Variants in XDH observed in about 807,000 individuals in gnomAD.
XDH encodes the protein xanthine dehydrogenase/oxidase.
XDH carries 138 observed loss-of-function variants against 156.1 expected under a neutral mutation model. The ratio of observed to expected loss-of-function variants is 0.88; its 90% CI spans 0.77 to 1.02. The LOEUF is 1.02. Ranked by LOEUF, XDH falls within the 50% of genes least tolerant of loss-of-function variation. The probability of loss-of-function intolerance (pLI) is 0.00; values close to 1 mark genes in which losing one functional copy is unlikely to be tolerated. For missense variants in XDH, 1,849 were observed against 1,684.9 expected (o/e 1.10, Z -1.71); for synonymous variants, 669 against 625.7 (o/e 1.07, Z -1.03).
In XDH at chr2:31,342,197, T is replaced by G; in HGVS notation, c.3505A>C (p.Thr1169Pro). Residue 1169 changes from threonine (T) to proline (P), a missense_variant, in exon 32 of 36, where the codon ACA (threonine) becomes CCA (proline). Physicochemically the swap from Thr to Pro is conservative, Grantham distance 38 (BLOSUM62 -1). Coordinates refer to ENST00000379416, the MANE Select transcript of XDH (RefSeq NM_000379.4). ...AAACTTCTTACCTTATGATCTCCTG[T>G]TAGGCAGTCGATTTCTACTTCAGAG... The part of the protein sequence containing the change: ...ACSEVEIDCL[T>P]GDHKNLRTDI... The G allele has an allele frequency of 6.2e-7, 1 of 1,614,122 alleles. No homozygotes were observed. The highest frequency in any genetic ancestry group is 8.5e-7 in the Non-Finnish European group (1 of 1,179,972).
chr2:31,387,952 A>G, intron 7 of XDH, 55 bp from the exon 8 acceptor site: 1 of 1,524,872 alleles, frequency 6.6e-7, no homozygotes. Context: ...TCAAACACCC[A>G]AGAGGACCAA....
intron 30 of XDH, 39 bp from the exon 31 acceptor site, chr2:31,344,775 G>A: frequency 6.2e-7 from 1 of 1,604,452 alleles, no homozygotes; most frequent in South Asian, 1.1e-5. Context: ...GTGAAGTGAG[G>A]TTTTCAGGAA....
chr2:31,385,910 A>G (rs1686576674), intron 9 of XDH, among the ~76,000 whole-genome samples: 1 of 152,198 alleles, frequency 6.6e-6, no homozygotes, highest in Non-Finnish European at 1.5e-5. Flanking sequence ...TCTAGTGTCC[A>G]TCAGCCACTG....
intron 11 of XDH, among the ~76,000 whole-genome samples, chr2:31,382,643 T>G (rs530153997): frequency 1.6e-4 from 24 of 152,156 alleles, no homozygotes; most frequent in Admixed American, 3.3e-4. Context: ...CATATCCATA[T>G]CTCTTGTTCA....
Position 31,403,081 on chromosome 2 carries a change from AG to A in XDH, c.163del (p.Leu55SerfsTer31), listed in dbSNP as rs765487583. On this transcript the variant is annotated frameshift_variant, in exon 3 of 36. Coordinates refer to ENST00000379416, the MANE Select transcript of XDH (RefSeq NM_000379.4). LOFTEE classifies it high-confidence loss of function. Reference protein sequence around the residue: ...EGGCGACTVMLSKYDRLQNKI... With the variant: ...EGGCGACTVMXSKYDRLQNKI... ...GTTCTGCAGACGATCATACTTGGAG[AG>A]CATCACTGTGCAAGCCCCGCAGCCC... The A allele has an allele frequency of 1.2e-6, 2 of 1,614,064 alleles. No homozygotes were observed. The highest frequency in any genetic ancestry group is 1.7e-6 in the Non-Finnish European group (2 of 1,179,994).
rs776794071 is a variant in XDH at position 31,350,118 on chromosome 2, G to A, written c.2737C>T (p.Arg913Trp). The A allele has an allele frequency of 1.2e-4, 190 of 1,614,076 alleles. No individual in the cohort carries two copies. Among genetic ancestry groups the A allele is most frequent in the Admixed American group, 5.7e-4 (34 of 60,012 alleles). The change falls in exon 25 of 36, where the codon CGG becomes TGG. Residue 913 changes from arginine to tryptophan, a missense_variant. Arg to Trp is a moderately radical substitution (Grantham distance 101, BLOSUM62 -3). Coordinates refer to ENST00000379416, the MANE Select transcript of XDH (RefSeq NM_000379.4). ...ATCCCCTGGGGCCCCCCAAAGCCCC[G>A]GAAGGCCGTGTTGGAGGGAAGGTTG... Reference protein sequence around the residue: ...KTNLPSNTAFRGFGGPQGMLI... With the variant: ...KTNLPSNTAFWGFGGPQGMLI...
At chr2:31,369,319 T>C (rs1686007086) in intron 18 of XDH, among the ~76,000 whole-genome samples, 1 of 152,100 alleles carries the variant, frequency 6.6e-6, no homozygotes, top group South Asian at 2.1e-4. Flanking sequence ...CCCATAAAAA[T>C]ATTTTTAAAA....
At chr2:31,374,286 CCCT>C (rs1256232110) in intron 15 of XDH, among the ~76,000 whole-genome samples, 1 of 152,198 alleles carries the variant, frequency 6.6e-6, no homozygotes, top group Non-Finnish European at 1.5e-5. Context: ...TCCTTCCTTG[CCCT>C]CCTCAATTCT....
In XDH at chr2:31,335,823, T is replaced by C. The variant is rs1020600664; in HGVS notation, c.*135A>G. ...CAAAATCTTCCATTGCATTCACTTG[T>C]CTTCCAAATCCCATCTTGACAAATC... On this transcript the variant is annotated 3_prime_UTR_variant, in exon 36 of 36. Coordinates refer to ENST00000379416, the MANE Select transcript of XDH (RefSeq NM_000379.4). 13 of 1,026,246 alleles carry C rather than the reference T, an allele frequency of 1.3e-5. No homozygotes were observed. Among genetic ancestry groups the C allele is most frequent in the Non-Finnish European group, 1.8e-5 (12 of 658,710 alleles). 63.6% of individuals were successfully genotyped at this position (1,026,246 alleles called of 1,614,324 possible). A position where few individuals can be genotyped will look rare whatever the true frequency, so the allele number is the denominator to read the frequency against.
intron 16 of XDH, 111 bp from the exon 17 acceptor site, chr2:31,372,508 A>G: frequency 6.9e-7 from 1 of 1,446,014 alleles, no homozygotes; most frequent in Non-Finnish European, 9.6e-7. Flanking sequence ...ACCAAGGGGT[A>G]AGAATAAAGA....
At chr2:31,385,990 G>A (rs966335595) in intron 9 of XDH, among the ~76,000 whole-genome samples, 3 of 152,218 alleles carry the variant, frequency 2.0e-5, no homozygotes, top group African/African-American at 7.2e-5. Context: ...AAGGAACCAT[G>A]TCCAATTGAG....
chr2:31,388,171 A>C (rs1442153742), intron 7 of XDH, 56 bp downstream of exon 7: 5 of 1,587,374 alleles, frequency 3.1e-6, no homozygotes, highest in Admixed American at 1.7e-5. Flanking sequence ...TCGTGCACTG[A>C]CTCCTCTAAG....
chr2:31,401,313 A>T lies in XDH; in HGVS notation c.213T>A (p.Asn71Lys). Residue 71 changes from asparagine (N) to lysine (K), a missense_variant, in exon 4 of 36, where the codon AAT (asparagine) becomes AAA (lysine). Asn to Lys is a moderately conservative substitution (Grantham distance 94, BLOSUM62 0). Transcript: ENST00000379416. ...AGGAGCAGATGGGGGCCAGGCAGGC[A>T]TTGGCAGAAAAGTGGCTAGAACCCC... ...LQNKIVHFSA[N>K]ACLAPICSLH... The T allele has an allele frequency of 1.9e-6, 3 of 1,614,212 alleles. No homozygotes were observed. Among genetic ancestry groups the T allele is most frequent in the South Asian group, 1.1e-5 (1 of 91,078 alleles).
rs201352323 is a variant in XDH at position 31,383,011 on chromosome 2, T to C, written c.1028A>G (p.Lys343Arg). ...QLRWFAGKQV[K>R]SVASVGGNII... ...CTGAGAGCGACTCACCGCCACAGAC[T>C]TGACTTGCTTCCCAGCAAACCAGCG... Residue 343 changes from lysine to arginine, a missense_variant, in exon 11 of 36, where the codon AAG becomes AGG. Physicochemically the swap from Lys to Arg is conservative, Grantham distance 26. Coordinates refer to ENST00000379416, the MANE Select transcript of XDH (RefSeq NM_000379.4). 2 of 1,614,166 alleles carry C rather than the reference T, an allele frequency of 1.2e-6. No homozygotes were observed. The highest frequency in any genetic ancestry group is 1.7e-6 in the Non-Finnish European group (2 of 1,180,030).
intron 24 of XDH, among the ~76,000 whole-genome samples, chr2:31,357,734 T>C (rs1685663126): frequency 6.6e-6 from 1 of 151,822 alleles, no homozygotes; most frequent in African/African-American, 2.4e-5. Flanking sequence ...CACAGAAAAA[T>C]GATAAATTCT....
At chr2:31,383,293 G>A (rs2148781901) in intron 10 of XDH, 141 bp from the exon 11 acceptor site, 2 of 1,345,564 alleles carry the variant, frequency 1.5e-6, no homozygotes. Flanking sequence ...GGAAATGAGG[G>A]CCCAGAGTGG....
At chr2:31,354,193 G>A (rs949422474) in intron 24 of XDH, among the ~76,000 whole-genome samples, 2 of 152,222 alleles carry the variant, frequency 1.3e-5, no homozygotes, top group African/African-American at 4.8e-5. Flanking sequence ...CCAAGTGGAA[G>A]ATCAAGATTT....
intron 1 of XDH, among the ~76,000 whole-genome samples, chr2:31,411,610 G>C (rs936004330): frequency 2.0e-5 from 3 of 152,108 alleles, no homozygotes; most frequent in African/African-American, 7.2e-5. Flanking sequence ...AAAATACAAA[G>C]TTAGAGAAGT....
intron 1 of XDH, among the ~76,000 whole-genome samples, chr2:31,409,143 G>A (rs1293696532): frequency 6.6e-6 from 1 of 152,140 alleles, no homozygotes; most frequent in Non-Finnish European, 1.5e-5. Context: ...AGGCTGGAAA[G>A]GGTAGTAGGG....
Sources: gnomAD v4.1 joint callset for allele counts (sites outside exome capture counted in the v4.1 genomes callset) on GRCh38, gnomAD v4.1.1 for gene constraint, MANE v1.5 for transcripts, NCBI Gene and HGNC (gene_info 2026-07-23, HGNC 2026-07-21) for gene names.